RGL4: variants seen among roughly 807,000 people sequenced by gnomAD.
The protein encoded by RGL4 is ral guanine nucleotide dissociation stimulator like 4.
A neutral mutation model predicts 49.6 loss-of-function variants in RGL4; 41 were observed. That is an observed-to-expected ratio of 0.83 (90% CI 0.64 to 1.07). RGL4 has a LOEUF of 1.07. Among genes scored for constraint, RGL4 ranks in the 50% least tolerant of loss-of-function variants. The pLI, the probability that RGL4 is intolerant of heterozygous loss-of-function variation, is 0.00. For synonymous variants in RGL4, 255 were observed against 238.0 expected (o/e 1.07, Z -0.66); for missense variants, 610 against 591.9 (o/e 1.03, Z -0.32).
chr22:23,697,999 C>G, intron 9 of RGL4, 138 bp downstream of exon 9: 1 of 1,211,230 alleles, frequency 8.3e-7, no homozygotes, highest in Non-Finnish European at 1.2e-6. Context: ...GAGGAGGGGA[C>G]CTATCCCAGG....
At position 23,698,677 on chromosome 22, in the gene RGL4, C is replaced by T; in HGVS notation, c.1383-167C>T. 3.3e-6 allele frequency: 3 copies of T among 907,996 alleles called. No homozygotes were observed. The South Asian group carries it at 4.7e-5, about 14-fold the overall frequency. The allele number at this position is 907,996 out of a possible 1,614,324, so 56.2% of individuals were successfully genotyped here. ...GCCACCCCACCTGGCCTAGAGGAGG[C>T]TCTCCCGTGGCCAGCTGCAGAGAGC... On this transcript the variant is annotated intron_variant, in intron 10 of 10. Coordinates refer to ENST00000290691, the MANE Select transcript of RGL4 (RefSeq NM_153615.2).
intron 4 of RGL4, 126 bp downstream of exon 4, chr22:23,694,100 T>C (rs1449147582): frequency 6.9e-6 from 6 of 867,640 alleles, no homozygotes; most frequent in Non-Finnish European, 1.1e-5. Flanking sequence ...TAGGCTCTTC[T>C]TGCCAGAGCT....
At chr22:23,697,957 T>G in intron 9 of RGL4, 96 bp downstream of exon 9, 1 of 1,426,130 alleles carries the variant, frequency 7.0e-7, no homozygotes, top group Non-Finnish European at 9.7e-7. Context: ...CCTCTACATC[T>G]TAGGCTTACT....
chr22:23,694,793 C>G, intron 5 of RGL4, 157 bp from the exon 6 acceptor site: 1 of 667,798 alleles, frequency 1.5e-6, no homozygotes, highest in East Asian at 2.5e-5. Context: ...ATGAGAGGTC[C>G]CACCCTGGTC....
At chr22:23,695,040 T>C (rs761347463) in intron 6 of RGL4, 21 bp downstream of exon 6, 1 of 1,571,164 alleles carries the variant, frequency 6.4e-7, no homozygotes, top group Non-Finnish European at 8.8e-7. Flanking sequence ...GTCTGGGAGA[T>C]GCAGGACAAG....
intron 5 of RGL4, 63 bp downstream of exon 5, chr22:23,694,513 A>G: frequency 8.9e-7 from 1 of 1,128,642 alleles, no homozygotes; most frequent in South Asian, 1.3e-5. Flanking sequence ...GTCTCCCCCC[A>G]TGTGCCCTCA....
rs17003398 is a variant in RGL4, at chr22:23,693,951, G to A, written c.889G>A (p.Glu297Lys). The change falls in exon 4 of 11, where the codon GAG becomes AAG. Residue 297 changes from glutamate to lysine, a missense_variant. Coordinates refer to ENST00000290691, the MANE Select transcript of RGL4 (RefSeq NM_153615.2). ...GGCCCGGGACAGGGCCAGGGTGGTG[G>A]AGCACTGGATCAAGGTGGCCAGGGT... ...MRARDRARVV[E>K]HWIKVARECL... 2,629 of 1,613,776 alleles carry A rather than the reference G, an allele frequency of 1.6e-3. 41 individuals carry two copies. In the African/African-American group the frequency reaches 0.032, roughly 20 times the overall value.
Position 23,692,694 on chromosome 22 carries a change from C to G in RGL4, c.399C>G (p.His133Gln). ...ATCCTGCTCCACGTCCTGGGCAACA[C>G]GCATTAACAATGCCGGCCCTGGAGC... The part of the protein sequence containing the change: ...PDDPAPRPGQ[H>Q]ALTMPALEPA... Residue 133 changes from histidine to glutamine, a missense_variant, in exon 3 of 11, where the codon CAC (histidine) becomes CAG (glutamine). Transcript: ENST00000290691. 6 of 1,609,842 alleles carry G rather than the reference C, an allele frequency of 3.7e-6. No homozygotes were observed. The highest frequency in any genetic ancestry group is 5.1e-6 in the Non-Finnish European group (6 of 1,177,872).
intron 6 of RGL4, among the ~76,000 whole-genome samples, chr22:23,695,687 C>A (rs1436506572): frequency 3.3e-5 from 5 of 152,206 alleles, no homozygotes; most frequent in Non-Finnish European, 7.3e-5. Flanking sequence ...AGGATTCTCA[C>A]CGGTTAGCAG....
At position 23,692,822 on chromosome 22, in the gene RGL4, C is replaced by A; in HGVS notation, c.527C>A (p.Pro176Gln). Reference protein sequence around the residue: ...GYLHSAPGPAPAPGEGPPPGT... With the variant: ...GYLHSAPGPAQAPGEGPPPGT... ...CTACATTCAGCACCAGGGCCAGCAC[C>A]AGCACCAGGGGAAGGGCCCCCTCCA... Residue 176 changes from proline (P) to glutamine (Q), a missense_variant, in exon 3 of 11, where the codon CCA becomes CAA. By Grantham distance (76) the Pro-to-Gln change is moderately conservative (BLOSUM62 -1). Transcript: ENST00000290691. 19 of 1,613,664 alleles carry A rather than the reference C, an allele frequency of 1.2e-5. No homozygotes were observed. Among genetic ancestry groups the A allele is most frequent in the Non-Finnish European group, 1.6e-5 (19 of 1,180,026 alleles).
chr22:23,695,282 G>A, intron 6 of RGL4: 3 of 472,714 alleles, frequency 6.3e-6, no homozygotes, highest in South Asian at 5.6e-5. Context: ...CTGGGCTGCT[G>A]AGCAGGGGTG....
In RGL4 at chr22:23,698,640, T is replaced by C. The variant is rs566237442; in HGVS notation, c.1383-204T>C. 232 of 751,198 alleles carry C rather than the reference T, an allele frequency of 3.1e-4. 1 individual carries two copies. Among genetic ancestry groups the C allele is most frequent in the South Asian group, 5.0e-4 (32 of 64,090 alleles). The allele number at this position is 751,198 out of a possible 1,614,324, so 46.5% of individuals were successfully genotyped here. A position where few individuals can be genotyped will look rare whatever the true frequency, so the allele number is the denominator to read the frequency against. On this transcript the variant is annotated intron_variant, in intron 10 of 10. Coordinates refer to ENST00000290691, the MANE Select transcript of RGL4 (RefSeq NM_153615.2). ...ACCTCAGCCTCCCAAAGTACTGACG[T>C]TACAGGTGTGAGCCACCCCACCTGG...
intron 3 of RGL4, 156 bp downstream of exon 3, chr22:23,693,147 T>A (rs1923249044): frequency 1.5e-6 from 2 of 1,312,868 alleles, no homozygotes; most frequent in Non-Finnish European, 1.0e-6. Context: ...GCCTTCCCTG[T>A]CTGCATGTGG....
intron 6 of RGL4, 73 bp downstream of exon 6, chr22:23,695,092 G>A (rs576475661): frequency 6.1e-6 from 7 of 1,147,906 alleles, no homozygotes; most frequent in African/African-American, 6.1e-5. Flanking sequence ...GAAGGGCATT[G>A]GACCAGGTGT....
At chr22:23,696,575 G>A (rs372699644) in intron 6 of RGL4, 39 bp from the exon 7 acceptor site, 27 of 1,612,852 alleles carry the variant, frequency 1.7e-5, no homozygotes, top group East Asian at 2.2e-5. Context: ...TGGGGGAGAG[G>A]AGGAGAGCCT....
Position 23,697,192 on chromosome 22 carries a change from G to T in RGL4, c.1183G>T (p.Asp395Tyr). 8 of 1,613,514 alleles carry T rather than the reference G, an allele frequency of 5.0e-6. No individual in the cohort carries two copies. Among genetic ancestry groups the T allele is most frequent in the Non-Finnish European group, 6.8e-6 (8 of 1,179,644 alleles). Residue 395 changes from aspartate to tyrosine, a missense_variant, in exon 8 of 11, where the codon GAT becomes TAT. By Grantham distance (160) the Asp-to-Tyr change is radical (BLOSUM62 -3). Transcript: ENST00000290691. ...ACAGGGTGTGGTCCCCTTCCTGGGG[G>T]ATTTTCTGACTGAGTTACAGAGGCT... The part of the protein sequence containing the change: ...QKKGVVPFLG[D>Y]FLTELQRLDS...
Position 23,695,443 on chromosome 22 carries a change from TGC to T in RGL4, c.1086+425_1086+426del, listed in dbSNP as rs1923427207. The stretch of plus-strand genomic sequence containing the variant: ...ATTCCTCAGGAAGCCAGGCCTCTGC[TGC>T]TGCTGCTGCTGCTGCTGCTGCTGCT... On this transcript the variant is annotated intron_variant, in intron 6 of 10. Coordinates refer to ENST00000290691, the MANE Select transcript of RGL4 (RefSeq NM_153615.2). The T allele has an allele frequency of 6.1e-5, 26 of 423,850 alleles. No homozygotes were observed. In the Middle Eastern group the frequency reaches 1.9e-3, roughly 32 times the overall value. 26.3% of individuals were successfully genotyped at this position (423,850 alleles called of 1,614,324 possible). A position where few individuals can be genotyped will look rare whatever the true frequency, so the allele number is the denominator to read the frequency against.
intron 6 of RGL4, 91 bp downstream of exon 6, chr22:23,695,110 T>G: frequency 9.9e-7 from 1 of 1,010,510 alleles, no homozygotes; most frequent in South Asian, 1.3e-5. Flanking sequence ...TGTCGAGTGG[T>G]TATTTTGTTT....
At position 23,698,303 on chromosome 22, in the gene RGL4, C is replaced by T. The variant is rs1601292405; in HGVS notation, c.1352C>T (p.Thr451Ile). Residue 451 changes from threonine (T) to isoleucine (I), a missense_variant, in exon 10 of 11, where the codon ACA becomes ATA. Physicochemically the swap from Thr to Ile is moderately conservative, Grantham distance 89. Coordinates refer to ENST00000290691, the MANE Select transcript of RGL4 (RefSeq NM_153615.2). ...CTTGAGAAATTTGTCACCTATTTCA[C>T]AAGAATGGAGCAGCTCAGTGACAAA... ...RPLEKFVTYF[T>I]RMEQLSDKES... The T allele has an allele frequency of 6.2e-7, 1 of 1,610,670 alleles. No individual in the cohort carries two copies. Among genetic ancestry groups the T allele is most frequent in the Non-Finnish European group, 8.5e-7 (1 of 1,177,138 alleles).
Sources: gnomAD v4.1 joint callset for allele counts (sites outside exome capture counted in the v4.1 genomes callset) on GRCh38, gnomAD v4.1.1 for gene constraint, MANE v1.5 for transcripts, NCBI Gene and HGNC (gene_info 2026-07-23, HGNC 2026-07-21) for gene names.